PIGS: variants seen among roughly 807,000 people sequenced by gnomAD.
PIGS encodes the protein phosphatidylinositol glycan anchor biosynthesis class S.
Under a neutral mutation model 58.2 loss-of-function variants are expected in PIGS, and 37 were observed. The ratio of observed to expected loss-of-function variants is 0.64; its 90% confidence interval spans 0.49 to 0.84. The LOEUF (loss-of-function observed/expected upper bound fraction) is 0.84, where lower values mean the gene tolerates loss of function less well. Among genes scored for constraint, PIGS ranks in the 40% least tolerant of loss-of-function variants. PIGS has a pLI of 0.00. For missense variants in PIGS, 629 were observed against 710.8 expected (o/e 0.88, Z 1.31); for synonymous variants, 269 against 289.2 (o/e 0.93, Z 0.71).
chr17:28,568,635 G>A (rs1201807194), intron 3 of PIGS, among the ~76,000 whole-genome samples: 1 of 152,158 alleles, frequency 6.6e-6, no homozygotes, highest in East Asian at 1.9e-4. Flanking sequence ...TCTGATCCCA[G>A]ATTCTATACT....
At chr17:28,559,699 CAA>C (rs761803589) in intron 7 of PIGS, among the ~76,000 whole-genome samples, 2 of 45,694 alleles carry the variant, frequency 4.4e-5, no homozygotes, top group Non-Finnish European at 9.2e-5. Context: ...GACTCTGTCT[CAA>C]AAAAAAAAAA....
intron 10 of PIGS, 70 bp downstream of exon 10, chr17:28,556,096 G>T: frequency 7.0e-7 from 1 of 1,425,064 alleles, no homozygotes; most frequent in Non-Finnish European, 9.9e-7. Flanking sequence ...GGTAAGACTT[G>T]ATTCCACTTT....
Position 28,554,479 on chromosome 17 carries a change from G to C in PIGS, c.1409C>G (p.Ala470Gly). Residue 470 changes from alanine (A) to glycine (G), a missense_variant, in exon 12 of 12, where the codon GCT becomes GGT. Ala to Gly is a moderately conservative substitution (Grantham distance 60, BLOSUM62 0). Transcript: ENST00000308360. ...DVASEVYKAV[A>G]AVQKSAEELA... ...CTCTTCTGCCGACTTCTGGACGGCA[G>C]CTACAGCCTTGTACACCTAGGAAGG... The C allele has an allele frequency of 1.2e-6, 2 of 1,614,110 alleles. No individual in the cohort carries two copies. Among genetic ancestry groups the C allele is most frequent in the South Asian group, 2.2e-5 (2 of 91,088 alleles).
Position 28,555,075 on chromosome 17 carries a change from GGAGTAA to G in PIGS, c.1182-20_1182-15del, listed in dbSNP as rs1567614192. Reference sequence around the variant, plus strand: ...CCAAAGAGCAACCTGTAGGAACATCGGAGTAAGATCAAGGTGGCTGAGACCACAAGG... The same window carrying G: ...CCAAAGAGCAACCTGTAGGAACATCGGATCAAGGTGGCTGAGACCACAAGG... On this transcript the variant is annotated splice_polypyrimidine_tract_variant and intron_variant, in intron 10 of 11. Transcript: ENST00000308360. The G allele has an allele frequency of 6.2e-7, 1 of 1,604,018 alleles. No homozygotes were observed. The highest frequency in any genetic ancestry group is 1.1e-5 in the South Asian group (1 of 90,130).
At chr17:28,556,530 G>A (rs2070329592) in intron 9 of PIGS, 1 of 727,932 alleles carries the variant, frequency 1.4e-6, no homozygotes, top group South Asian at 1.4e-5. Context: ...GTCTAACAAG[G>A]GAGACAAGGC....
chr17:28,571,065 C>T lies in PIGS; in HGVS notation c.158G>A (p.Gly53Asp), dbSNP rs1282495704. The T allele has an allele frequency of 6.2e-7, 1 of 1,614,036 alleles. No individual in the cohort carries two copies. The highest frequency in any genetic ancestry group is 1.3e-5 in the African/African-American group (1 of 74,940). ...RASLPYSQIS[G>D]LNALQLRLMV... ...CAGTCTCACCTGAAGGGCATTCAGG[C>T]CACTGATCTGGGAGTAAGGCAACGA... Residue 53 changes from glycine to aspartate, a missense_variant, in exon 2 of 12, where the codon GGC becomes GAC. Gly to Asp is a moderately conservative substitution (Grantham distance 94). Coordinates refer to ENST00000308360, the MANE Select transcript of PIGS (RefSeq NM_033198.4).
intron 8 of PIGS, 130 bp from the exon 9 acceptor site, chr17:28,557,102 C>T: frequency 2.1e-6 from 2 of 972,036 alleles, no homozygotes; most frequent in South Asian, 3.0e-5. Flanking sequence ...GGATATCCTC[C>T]TGTCCAGGGT....
Position 28,554,560 on chromosome 17 carries a change from G to A in PIGS, c.1393-65C>T, listed in dbSNP as rs1445520790. 7 of 1,544,800 alleles carry A rather than the reference G, an allele frequency of 4.5e-6. No homozygotes were observed. In the East Asian group the frequency reaches 1.3e-4, roughly 30 times the overall value. On this transcript the variant is annotated intron_variant, in intron 11 of 11. Coordinates refer to ENST00000308360, the MANE Select transcript of PIGS (RefSeq NM_033198.4). ...CTAGGCATTGGTGGAAAGGGTGCTG[G>A]GCCTTACTGTGCCTTCCATCTACCA...
chr17:28,563,626 C>T, intron 4 of PIGS, 104 bp from the exon 5 acceptor site: 2 of 1,270,270 alleles, frequency 1.6e-6, no homozygotes, highest in Non-Finnish European at 2.3e-6. Flanking sequence ...TCAGCTGACA[C>T]AGTGGTCAGG....
chr17:28,560,620 A>C (rs1367357576), intron 6 of PIGS, among the ~76,000 whole-genome samples: 1 of 152,108 alleles, frequency 6.6e-6, no homozygotes, highest in African/African-American at 2.4e-5. Context: ...TCTACTAAAA[A>C]TACAAAAATT....
chr17:28,563,410 G>T, intron 5 of PIGS, 21 bp downstream of exon 5: 1 of 1,599,964 alleles, frequency 6.3e-7, no homozygotes, highest in Non-Finnish European at 8.6e-7. Context: ...AGGCAAAGTC[G>T]CAGCCTCTCT....
In PIGS at chr17:28,553,743, A is replaced by AGGAGGGAGG; in HGVS notation, c.*468_*476dup. 5.7e-6 allele frequency: 1 copy of AGGAGGGAGG among 176,956 alleles called. No individual in the cohort carries two copies. Among genetic ancestry groups the AGGAGGGAGG allele is most frequent in the Non-Finnish European group, 1.2e-5 (1 of 83,248 alleles). The allele number at this position is 176,956 out of a possible 1,614,324, so 11.0% of individuals were successfully genotyped here. A position where few individuals can be genotyped will look rare whatever the true frequency, so the allele number is the denominator to read the frequency against. Reference sequence around the variant, plus strand: ...CTGCACCTGACAGACAAAGCCAACTAGGAGGGAGGGGAGTGAGGGAGAAGG... The same window carrying AGGAGGGAGG: ...CTGCACCTGACAGACAAAGCCAACTAGGAGGGAGGGGAGGGAGGGGAGTGAGGGAGAAGG... On this transcript the variant is annotated 3_prime_UTR_variant, in exon 12 of 12. Coordinates refer to ENST00000308360, the MANE Select transcript of PIGS (RefSeq NM_033198.4).
intron 3 of PIGS, among the ~76,000 whole-genome samples, chr17:28,569,474 C>CAAA (rs767305172): frequency 1.5e-5 from 1 of 66,108 alleles, no homozygotes; most frequent in Non-Finnish European, 3.1e-5. Flanking sequence ...GACCCTTTCT[C>CAAA]AAAAAAAAAA....
At chr17:28,556,801 T>C (rs2070331851) in intron 9 of PIGS, 26 bp downstream of exon 9, 2 of 1,605,806 alleles carry the variant, frequency 1.2e-6, no homozygotes, top group African/African-American at 1.3e-5. Context: ...GCATGGGCTC[T>C]GGGGTCTGCG....
At chr17:28,566,208 G>C (rs1307503385) in intron 3 of PIGS, among the ~76,000 whole-genome samples, 2 of 140,466 alleles carry the variant, frequency 1.4e-5, no homozygotes, top group Non-Finnish European at 1.5e-5. Flanking sequence ...ACTTCAGCCT[G>C]AGTGTCAGAC....
intron 6 of PIGS, 155 bp from the exon 7 acceptor site, chr17:28,560,346 C>CT (rs1489335138): frequency 1.1e-6 from 1 of 925,828 alleles, no homozygotes; most frequent in Non-Finnish European, 1.6e-6. Flanking sequence ...ATGAGGAACA[C>CT]TGAGTAAGAA....
chr17:28,554,172 G>A lies in PIGS; in HGVS notation c.*48C>T, dbSNP rs750226902. 3.9e-5 allele frequency: 63 copies of A among 1,599,548 alleles called. No homozygotes were observed. In the South Asian group the frequency reaches 4.1e-4, roughly 11 times the overall value. On this transcript the variant is annotated 3_prime_UTR_variant, in exon 12 of 12. Transcript: ENST00000308360. ...TGTACGTGCCTCACAATCTAACACCGCCCACCTTGGCCAGAAAGGAAGGCT... is the reference window on the plus strand; with the variant it reads ...TGTACGTGCCTCACAATCTAACACCACCCACCTTGGCCAGAAAGGAAGGCT...
At chr17:28,554,780 G>T in intron 11 of PIGS, 71 bp downstream of exon 11, 1 of 1,569,684 alleles carries the variant, frequency 6.4e-7, no homozygotes, top group Non-Finnish European at 8.8e-7. Context: ...AGGCTCTCTG[G>T]TCTCACCACA....
At position 28,563,918 on chromosome 17, in the gene PIGS, T is replaced by A. The variant is rs2070380139; in HGVS notation, c.287-11A>T. 7 of 1,608,454 alleles carry A rather than the reference T, an allele frequency of 4.4e-6. No homozygotes were observed. Among genetic ancestry groups the A allele is most frequent in the African/African-American group, 1.3e-5 (1 of 74,784 alleles). On this transcript the variant is annotated splice_polypyrimidine_tract_variant and intron_variant, in intron 3 of 11. Coordinates refer to ENST00000308360, the MANE Select transcript of PIGS (RefSeq NM_033198.4). ...TGATTTTCATTTTGTCTGGGAGGGA[T>A]AAGAAGTAGCACAATGAAAAGGGCA...
Sources: gnomAD v4.1 joint callset for allele counts (sites outside exome capture counted in the v4.1 genomes callset) on GRCh38, gnomAD v4.1.1 for gene constraint, MANE v1.5 for transcripts, NCBI Gene and HGNC (gene_info 2026-07-23, HGNC 2026-07-21) for gene names.